PGAP6: variants seen among roughly 807,000 people sequenced by gnomAD.
PGAP6 encodes the protein post-GPI attachment to proteins 6, also known as post-GPI attachment to proteins factor 6.
PGAP6 carries 62 observed loss-of-function variants against 68.4 expected under a neutral mutation model. That is an observed-to-expected ratio of 0.91 (90% CI 0.74 to 1.12). The LOEUF (loss-of-function observed/expected upper bound fraction) is 1.12, where lower values mean the gene tolerates loss of function less well. Among genes scored for constraint, PGAP6 ranks in the 50% most tolerant of loss-of-function variants. The pLI, the probability that PGAP6 is intolerant of heterozygous loss-of-function variation, is 0.00. For missense variants in PGAP6, 1,188 were observed against 1,068.5 expected (o/e 1.11, Z -1.56); for synonymous variants, 575 against 474.0 (o/e 1.21, Z -2.77).
At chr16:386,728 A>AACC (rs1567329307), upstream of PGAP6, 8 of 90,360 alleles carry the variant, frequency 8.9e-5, no homozygotes, top group African/African-American at 7.0e-4. Context: ...AAAAAAACCA[A>AACC]AAAAAAAAAA....
At position 374,390 on chromosome 16, in the gene PGAP6, C is replaced by T. The variant is rs937891764; in HGVS notation, c.1586G>A (p.Gly529Glu). ...ASCSCKAGWR[G>E]WSCTDNSTAQ... ...TGTGCTGTTGTCCGTGCAGCTCCAC[C>T]CACGCCAGCCTGCGGTCACAAAACC... is the stretch of plus-strand genomic sequence containing the variant. Residue 529 changes from glycine (G) to glutamate (E), a missense_variant, in exon 10 of 13, where the codon GGG becomes GAG. Gly to Glu is a moderately conservative substitution (Grantham distance 98). Coordinates refer to ENST00000431232, the MANE Select transcript of PGAP6 (RefSeq NM_021259.3). 25 of 1,571,424 alleles carry T rather than the reference C, an allele frequency of 1.6e-5. No individual in the cohort carries two copies. Among genetic ancestry groups the T allele is most frequent in the Non-Finnish European group, 2.1e-5 (25 of 1,163,766 alleles).
chr16:378,226 ACTGC>A (rs2054405621), intron 1 of PGAP6, among the ~76,000 whole-genome samples: 2 of 146,796 alleles, frequency 1.4e-5, no homozygotes, highest in Admixed American at 6.7e-5. Context: ...CGCCACCCTG[ACTGC>A]CATCGCCACC....
At position 375,351 on chromosome 16, in the gene PGAP6, T is replaced by C. The variant is rs140340682; in HGVS notation, c.1309A>G (p.Thr437Ala). 9.2e-4 allele frequency: 1,488 copies of C among 1,612,860 alleles called. 5 individuals are homozygous for C. Among genetic ancestry groups the C allele is most frequent in the Middle Eastern group, 6.4e-3 (39 of 6,058 alleles). The part of the protein sequence containing the change: ...FLGFNTSLNC[T>A]TAFFQGYPLS... Reference sequence around the variant, plus strand: ...TGACGCCTGCCCATCATACCTGTGGTGCAGTTGAGCGAAGTATTGAAGCCA... The same window carrying C: ...TGACGCCTGCCCATCATACCTGTGGCGCAGTTGAGCGAAGTATTGAAGCCA... The change falls in exon 7 of 13, where the codon ACC becomes GCC. Residue 437 changes from threonine to alanine, a missense_variant. Coordinates refer to ENST00000431232, the MANE Select transcript of PGAP6 (RefSeq NM_021259.3).
At position 371,219 on chromosome 16, in the gene PGAP6, A is replaced by T. The variant is rs2054328695; in HGVS notation, c.*768T>A. ...GCACAGAGCCCAGTGCAGGGGGCAGACACCACCGCAGCTCCTGGGACCAAG... is the reference window on the plus strand; with the variant it reads ...GCACAGAGCCCAGTGCAGGGGGCAGTCACCACCGCAGCTCCTGGGACCAAG... On this transcript the variant is annotated 3_prime_UTR_variant, in exon 13 of 13. Transcript: ENST00000431232. 6.6e-6 allele frequency: 1 copy of T among 152,270 alleles called. No individual in the cohort carries two copies. The highest frequency in any genetic ancestry group is 2.1e-4 in the South Asian group (1 of 4,832). 9.4% of individuals were successfully genotyped at this position (152,270 alleles called of 1,614,324 possible).
chr16:386,894 C>A, upstream of PGAP6: 1 of 624,622 alleles, frequency 1.6e-6, no homozygotes, highest in Admixed American at 1.8e-5. Context: ...GCACGTCACT[C>A]ACCTTCCAGC....
Position 376,581 on chromosome 16 carries a change from G to C in PGAP6, c.867C>G (p.Leu289=). 2 of 1,573,606 alleles carry C rather than the reference G, an allele frequency of 1.3e-6. No individual in the cohort carries two copies. The highest frequency in any genetic ancestry group is 1.8e-5 in the Admixed American group (1 of 56,542). Residue 289 remains leucine (L), a synonymous_variant, in exon 5 of 13, where the codon CTC becomes CTG. Coordinates refer to ENST00000431232, the MANE Select transcript of PGAP6 (RefSeq NM_021259.3). ...CTACAGCACTGAAAGCCACTGTCCC[G>C]AGGGGCCCCACCAGGCTCTCAGCTG... ...QVTAESLVGP[L]GTVAFSAVAA...
In PGAP6 at chr16:371,899, T is replaced by C; in HGVS notation, c.*88A>G. On this transcript the variant is annotated 3_prime_UTR_variant, in exon 13 of 13. Coordinates refer to ENST00000431232, the MANE Select transcript of PGAP6 (RefSeq NM_021259.3). Reference sequence around the variant, plus strand: ...GCCAATTTATTCAGCTGGAAATCAATCTGTCCAGGGCTGGACCAGGCGCCT... The same window carrying C: ...GCCAATTTATTCAGCTGGAAATCAACCTGTCCAGGGCTGGACCAGGCGCCT... The C allele has an allele frequency of 7.0e-7, 1 of 1,420,568 alleles. No individual in the cohort carries two copies. The highest frequency in any genetic ancestry group is 9.6e-7 in the Non-Finnish European group (1 of 1,046,526). 88.0% of individuals were successfully genotyped at this position (1,420,568 alleles called of 1,614,324 possible). A position where few individuals can be genotyped will look rare whatever the true frequency, so the allele number is the denominator to read the frequency against.
chr16:386,418 G>A (rs556691110), upstream of PGAP6, among the ~76,000 whole-genome samples: 5 of 152,102 alleles, frequency 3.3e-5, no homozygotes, highest in African/African-American at 1.2e-4. Flanking sequence ...GGTAGACATG[G>A]GAGACCCTGT....
upstream of PGAP6, among the ~76,000 whole-genome samples, chr16:385,532 C>A (rs1161073140): frequency 6.7e-6 from 1 of 150,080 alleles, no homozygotes; most frequent in Non-Finnish European, 1.5e-5. Context: ...AGGATGGTCT[C>A]GATCTCCTGA....
rs80351805 is a variant in PGAP6, at chr16:378,405, C to G, written c.122-557G>C. 1.7e-3 allele frequency among the ~76,000 whole-genome samples: 131 copies of G among 78,244 alleles called. 1 individual carries two copies. The highest frequency in any genetic ancestry group is 5.9e-3 in the Middle Eastern group (1 of 170). The allele number at this position is 78,244 out of a possible 152,430, so 51.3% of individuals were successfully genotyped here. ...CCACCCTGACTGCCATCGCCACCCGCACTGCCATCGCCACCCACACTGCCA... is the reference window on the plus strand; with the variant it reads ...CCACCCTGACTGCCATCGCCACCCGGACTGCCATCGCCACCCACACTGCCA... On this transcript the variant is annotated intron_variant, in intron 1 of 12. Transcript: ENST00000431232.
upstream of PGAP6, among the ~76,000 whole-genome samples, chr16:385,310 ATTTTTTTTTTT>A (rs35605582): frequency 1.8e-5 from 2 of 112,402 alleles, no homozygotes; most frequent in African/African-American, 8.2e-5. Flanking sequence ...ATATACTCTG[ATTTTTTTTTTT>A]TTTTTTTTTT....
intron 1 of PGAP6, among the ~76,000 whole-genome samples, chr16:379,358 G>A (rs547166750): frequency 6.6e-6 from 1 of 152,350 alleles, no homozygotes; most frequent in Non-Finnish European, 1.5e-5. Context: ...GGCAAATCCA[G>A]GCCAAGCTCC....
intron 1 of PGAP6, among the ~76,000 whole-genome samples, chr16:380,522 A>T (rs1369992974): frequency 6.6e-6 from 1 of 151,800 alleles, no homozygotes; most frequent in Non-Finnish European, 1.5e-5. Context: ...ATGCGCCACC[A>T]CTGCCGGCTA....
rs772268826 is a variant in PGAP6, at chr16:374,119, C to T, written c.1788G>A (p.Ala596=). Residue 596 remains alanine (A), a synonymous_variant, in exon 11 of 13, where the codon GCG becomes GCA. Coordinates refer to ENST00000431232, the MANE Select transcript of PGAP6 (RefSeq NM_021259.3). ...FYHACDQPGE[A]VLCILSYDTL... ...TGTCGTAGCTGAGGATGCACAGCACCGCCTCCCCGGGCTGGTCGCAGGCGT... is the reference window on the plus strand; with the variant it reads ...TGTCGTAGCTGAGGATGCACAGCACTGCCTCCCCGGGCTGGTCGCAGGCGT... 4.8e-5 allele frequency: 77 copies of T among 1,611,294 alleles called. No homozygotes were observed. The highest frequency in any genetic ancestry group is 1.6e-4 in the Middle Eastern group (1 of 6,084).
chr16:371,085 A>G lies in PGAP6; in HGVS notation c.*902T>C. On this transcript the variant is annotated 3_prime_UTR_variant, in exon 13 of 13. Transcript: ENST00000431232. ...CACTCACTTCTCCAGGGCGGATCCG[A>G]GACACTCACAGGCCTCAGGGAGGGG... 6.6e-6 allele frequency: 1 copy of G among 152,412 alleles called. No homozygotes were observed. Among genetic ancestry groups the G allele is most frequent in the Non-Finnish European group, 1.5e-5 (1 of 68,118 alleles). 9.4% of individuals were successfully genotyped at this position (152,412 alleles called of 1,614,324 possible). A position where few individuals can be genotyped will look rare whatever the true frequency, so the allele number is the denominator to read the frequency against.
chr16:381,678 T>C (rs931995575), intron 1 of PGAP6, 23 bp downstream of exon 1: 19 of 1,184,472 alleles, frequency 1.6e-5, no homozygotes, highest in Non-Finnish European at 1.9e-5. Context: ...ACGCCCCCGA[T>C]GGCGCCCGCG....
At chr16:385,115 G>A (rs2054472804), upstream of PGAP6, among the ~76,000 whole-genome samples, 2 of 144,648 alleles carry the variant, frequency 1.4e-5, no homozygotes, top group South Asian at 4.5e-4. Context: ...GCAGTGAGCA[G>A]GGATCAGGCC....
Position 377,183 on chromosome 16 carries a change from T to C in PGAP6, c.508-19A>G, listed in dbSNP as rs1173309750. On this transcript the variant is annotated intron_variant, in intron 3 of 12. Coordinates refer to ENST00000431232, the MANE Select transcript of PGAP6 (RefSeq NM_021259.3). ...CCAAGCCCTAGGGAAAGAACAGGTG[T>C]GGGCGGGGGCGGTGTCAGAGAATGC... 2.3e-5 allele frequency: 37 copies of C among 1,612,540 alleles called. No homozygotes were observed. Among genetic ancestry groups the C allele is most frequent in the Non-Finnish European group, 2.9e-5 (34 of 1,179,950 alleles).
upstream of PGAP6, among the ~76,000 whole-genome samples, chr16:384,014 G>T (rs1442853169): frequency 1.3e-5 from 2 of 152,222 alleles, no homozygotes; most frequent in Non-Finnish European, 2.9e-5. Context: ...CCCGACTGAG[G>T]GGAAAGGGGG....
Sources: gnomAD v4.1 joint callset for allele counts (sites outside exome capture counted in the v4.1 genomes callset) on GRCh38, gnomAD v4.1.1 for gene constraint, MANE v1.5 for transcripts, NCBI Gene and HGNC (gene_info 2026-07-23, HGNC 2026-07-21) for gene names.